The following MACROD2 variants were observed in gnomAD, a reference collection of about 807,000 sequenced individuals.
MACROD2 encodes mono-ADP ribosylhydrolase 2.
Under a neutral mutation model 70.4 loss-of-function variants are expected in MACROD2, and 36 were observed. That is an observed-to-expected ratio of 0.51 (90% CI 0.39 to 0.68). The LOEUF is 0.68. Among genes scored for constraint, MACROD2 ranks in the 30% least tolerant of loss-of-function variants. The probability of loss-of-function intolerance (pLI) is 0.00; values close to 1 mark genes in which losing one functional copy is unlikely to be tolerated. For missense variants in MACROD2, 496 were observed against 538.4 expected, an observed-to-expected ratio of 0.92 and a Z score of 0.78; for synonymous variants, 172 against 178.8, an observed-to-expected ratio of 0.96 and a Z score of 0.30.
At chr20:15,048,470 A>T (rs2075413151) in intron 5 of MACROD2, among the ~76,000 whole-genome samples, 1 of 152,060 alleles carries the variant, frequency 6.6e-6, no homozygotes, top group Non-Finnish European at 1.5e-5. Context: ...CTGTAAAAAA[A>T]AAAAATGAGT....
chr20:14,264,211 T>G (rs595247), intron 3 of MACROD2, among the ~76,000 whole-genome samples: 135,646 of 152,148 alleles, frequency 0.89, 60,614 homozygotes, highest in Non-Finnish European at 0.92. Context: ...GTACCAGGAA[T>G]ACATGTCCAC....
chr20:14,940,039 G>A (rs1045382621), intron 5 of MACROD2, among the ~76,000 whole-genome samples: 12 of 147,440 alleles, frequency 8.1e-5, no homozygotes, highest in Admixed American at 6.3e-4. Flanking sequence ...AGATCATGTC[G>A]TCTGTATATA....
chr20:15,816,487 T>C (rs2063876892), intron 8 of MACROD2, among the ~76,000 whole-genome samples: 1 of 151,814 alleles, frequency 6.6e-6, no homozygotes, highest in African/African-American at 2.4e-5. Flanking sequence ...AAAAAAAAAA[T>C]AGATTTTCAT....
intron 8 of MACROD2, among the ~76,000 whole-genome samples, chr20:15,717,413 C>G (rs1371894591): frequency 6.6e-6 from 1 of 151,770 alleles, no homozygotes; most frequent in Non-Finnish European, 1.5e-5. Context: ...GTTGTGTTCA[C>G]TGGTGGATGG....
intron 3 of MACROD2, among the ~76,000 whole-genome samples, chr20:14,253,866 T>C (rs1015811346): frequency 1.3e-5 from 2 of 152,118 alleles, no homozygotes; most frequent in African/African-American, 4.8e-5. Flanking sequence ...ATTTGTTTCA[T>C]ATGCCCCTCA....
At chr20:15,307,190 T>C (rs1003307624) in intron 6 of MACROD2, among the ~76,000 whole-genome samples, 2 of 152,204 alleles carry the variant, frequency 1.3e-5, no homozygotes, top group African/African-American at 2.4e-5. Flanking sequence ...CAAAGCTCTA[T>C]GCTGATCTCT....
chr20:14,713,665 G>C (rs1365167004), intron 5 of MACROD2, among the ~76,000 whole-genome samples: 1 of 152,162 alleles, frequency 6.6e-6, no homozygotes, highest in African/African-American at 2.4e-5. Context: ...TTGTGTAGGT[G>C]CTGAGAAAGG....
chr20:16,001,939 T>C (rs944909522), intron 15 of MACROD2, among the ~76,000 whole-genome samples: 9 of 152,004 alleles, frequency 5.9e-5, no homozygotes, highest in African/African-American at 2.2e-4. Context: ...CAAAATATTA[T>C]AGGAAACCTT....
At chr20:14,221,015 A>G (rs2081669061) in intron 3 of MACROD2, among the ~76,000 whole-genome samples, 1 of 152,146 alleles carries the variant, frequency 6.6e-6, no homozygotes, top group Non-Finnish European at 1.5e-5. Flanking sequence ...CAGAGCTGCA[A>G]TCTAGTCCTG....
intron 8 of MACROD2, among the ~76,000 whole-genome samples, chr20:15,545,019 A>G (rs954211170): frequency 1.3e-4 from 20 of 152,202 alleles, no homozygotes; most frequent in Admixed American, 4.6e-4. Flanking sequence ...AAATGTTTTC[A>G]TTTAGAAGCT....
At chr20:15,075,153 G>A in intron 5 of MACROD2, among the ~76,000 whole-genome samples, 1 of 152,032 alleles carries the variant, frequency 6.6e-6, no homozygotes, top group East Asian at 1.9e-4. Context: ...GTAGACTCTA[G>A]GTGGGTTCAT....
chr20:14,558,552 A>G (rs973854243), intron 4 of MACROD2, among the ~76,000 whole-genome samples: 14 of 151,778 alleles, frequency 9.2e-5, no homozygotes, highest in Non-Finnish European at 1.9e-4. Flanking sequence ...ATTCTTACCG[A>G]TAAACTTCAG....
At chr20:15,499,445 T>A (rs544915161) in intron 7 of MACROD2, among the ~76,000 whole-genome samples, 1 of 152,316 alleles carries the variant, frequency 6.6e-6, no homozygotes, top group East Asian at 1.9e-4. Context: ...TCTGAGCACT[T>A]CTTACAAGAA....
At chr20:15,598,103 A>C (rs2048770138) in intron 8 of MACROD2, among the ~76,000 whole-genome samples, 3 of 152,288 alleles carry the variant, frequency 2.0e-5, no homozygotes, top group South Asian at 4.1e-4. Flanking sequence ...AGTTGAGGTA[A>C]AGGAGGAAGG....
intron 5 of MACROD2, among the ~76,000 whole-genome samples, chr20:14,997,120 A>G (rs956377367): frequency 6.6e-6 from 1 of 152,142 alleles, no homozygotes; most frequent in Non-Finnish European, 1.5e-5. Flanking sequence ...TGCAGCTCAC[A>G]GCACTGGGAA....
intron 5 of MACROD2, among the ~76,000 whole-genome samples, chr20:15,041,239 G>C (rs185781887): frequency 1.3e-5 from 2 of 152,190 alleles, no homozygotes; most frequent in East Asian, 3.9e-4. Context: ...ACAAATTTTT[G>C]TTTGTAATAC....
chr20:15,088,397 T>TTATATA lies in MACROD2; in HGVS notation c.419-141494_419-141489dup, dbSNP rs71190173. 1.3e-4 allele frequency among the ~76,000 whole-genome samples: 15 copies of TTATATA among 111,124 alleles called. No homozygotes were observed. The East Asian group carries it at 1.4e-3, about 10-fold the overall frequency. The allele number at this position is 111,124 out of a possible 152,430, so 72.9% of individuals were successfully genotyped here. A position where few individuals can be genotyped will look rare whatever the true frequency, so the allele number is the denominator to read the frequency against. Reference sequence around the variant, plus strand: ...ACCATTAAAACATATATACTATATTTTATATATATATATATATATATATAT... The same window carrying TTATATA: ...ACCATTAAAACATATATACTATATTTTATATATATATATATATATATATATATATAT... On this transcript the variant is annotated intron_variant, in intron 5 of 17. Coordinates refer to ENST00000684519, the MANE Select transcript of MACROD2 (RefSeq NM_001351661.2).
chr20:14,099,006 G>A (rs1056285690), intron 3 of MACROD2, among the ~76,000 whole-genome samples: 7 of 152,212 alleles, frequency 4.6e-5, no homozygotes, highest in African/African-American at 1.7e-4. Context: ...GTGGCTGGGT[G>A]TGGTGGCTCA....
At chr20:15,685,356 T>G (rs540011153) in intron 8 of MACROD2, among the ~76,000 whole-genome samples, 1 of 152,336 alleles carries the variant, frequency 6.6e-6, no homozygotes, top group East Asian at 1.9e-4. Flanking sequence ...TTTATTTGTG[T>G]GCAACTAGCA....
Sources: allele counts gnomAD v4.1 joint callset (sites outside exome capture counted in the v4.1 genomes callset), GRCh38; gene constraint gnomAD v4.1.1; transcripts MANE v1.5; gene names NCBI Gene and HGNC (gene_info 2026-07-23, HGNC 2026-07-21).